Variants in CTNNA2 observed in about 807,000 individuals in gnomAD.
CTNNA2 encodes the protein catenin alpha-2.
CTNNA2 carries 42 observed loss-of-function variants against 101.0 expected under a neutral mutation model. The observed-to-expected ratio is 0.42, with a 90% CI of 0.32 to 0.54. CTNNA2 has a LOEUF of 0.54. Ranked by LOEUF, CTNNA2 falls within the 20% of genes least tolerant of loss-of-function variation. The pLI is 0.14. For missense variants in CTNNA2, 871 were observed against 1,223.1 expected (o/e 0.71, Z 4.29); for synonymous variants, 450 against 456.4 (o/e 0.99, Z 0.18).
At chr2:80,594,343 T>G (rs1046536618) in intron 15 of CTNNA2, among the ~76,000 whole-genome samples, 4 of 152,112 alleles carry the variant, frequency 2.6e-5, no homozygotes, top group African/African-American at 9.7e-5. Flanking sequence ...GGTTGTTTGT[T>G]TGCTTTTTTG....
chr2:79,264,229 G>T (rs1674961402), intron 2 of CTNNA2, among the ~76,000 whole-genome samples: 1 of 152,170 alleles, frequency 6.6e-6, no homozygotes, highest in African/African-American at 2.4e-5. Flanking sequence ...GTGAGAGCCA[G>T]TTGTATCTAA....
chr2:80,085,112 C>G (rs1699362487), intron 7 of CTNNA2, among the ~76,000 whole-genome samples: 1 of 151,998 alleles, frequency 6.6e-6, no homozygotes, highest in Admixed American at 6.6e-5. Context: ...TGAGAATAGG[C>G]CAAGTTAAGG....
At chr2:80,146,729 T>TG (rs1703367722) in intron 7 of CTNNA2, among the ~76,000 whole-genome samples, 2 of 118,330 alleles carry the variant, frequency 1.7e-5, no homozygotes, top group African/African-American at 6.5e-5. Flanking sequence ...TTTTTTTTTT[T>TG]TTTTTTTTTT....
intron 3 of CTNNA2, among the ~76,000 whole-genome samples, chr2:79,810,081 C>A (rs1676888241): frequency 6.6e-6 from 1 of 152,128 alleles, no homozygotes; most frequent in Non-Finnish European, 1.5e-5. Context: ...CAATATTAAC[C>A]TTAAATGTAA....
intron 8 of CTNNA2, among the ~76,000 whole-genome samples, chr2:80,395,958 G>A (rs986486731): frequency 3.9e-5 from 6 of 152,108 alleles, no homozygotes; most frequent in Non-Finnish European, 5.9e-5. Flanking sequence ...TCCTCATAGC[G>A]CTAAGTTTGG....
chr2:79,522,116 T>C lies in CTNNA2; in HGVS notation c.-6+8909T>C, dbSNP rs552829084. ...CAAAACAGTAATTATTTTCTACTTT[T>C]TTTCCTAAGGTGTTCTCAACCACTC... On this transcript the variant is annotated intron_variant, in intron 1 of 18. Transcript: ENST00000402739. Among the ~76,000 whole-genome samples, 20 of 152,314 alleles carry C rather than the reference T, an allele frequency of 1.3e-4. No homozygotes were observed. In the South Asian group the frequency reaches 3.9e-3, roughly 30 times the overall value.
At chr2:79,534,438 G>T (rs762224586) in intron 1 of CTNNA2, among the ~76,000 whole-genome samples, 1 of 151,966 alleles carries the variant, frequency 6.6e-6, no homozygotes, top group Non-Finnish European at 1.5e-5. Flanking sequence ...ATAGCTTCCT[G>T]CAGTACTTAA....
intron 9 of CTNNA2, among the ~76,000 whole-genome samples, chr2:80,534,630 G>A (rs1351081398): frequency 1.3e-5 from 2 of 152,178 alleles, no homozygotes; most frequent in Non-Finnish European, 2.9e-5. Context: ...TGCACTTGTG[G>A]TTTATAGAAC....
At chr2:79,952,456 T>C (rs2104499142) in intron 7 of CTNNA2, among the ~76,000 whole-genome samples, 1 of 152,320 alleles carries the variant, frequency 6.6e-6, no homozygotes, top group East Asian at 1.9e-4. Flanking sequence ...TAGAAGTCTG[T>C]GACTATTTAA....
chr2:79,826,178 G>GAAA (rs569941269), intron 3 of CTNNA2, among the ~76,000 whole-genome samples: 1 of 151,470 alleles, frequency 6.6e-6, no homozygotes, highest in African/African-American at 2.4e-5. Flanking sequence ...AAAATAAAAA[G>GAAA]AAAAAAAACA....
intron 2 of CTNNA2, among the ~76,000 whole-genome samples, chr2:79,220,096 T>C (rs947265681): frequency 6.6e-6 from 1 of 152,174 alleles, no homozygotes. Context: ...CTTTGACTGA[T>C]TCAACTCTTA....
chr2:79,696,676 G>T (rs1684672812), intron 2 of CTNNA2, among the ~76,000 whole-genome samples: 1 of 152,014 alleles, frequency 6.6e-6, no homozygotes, highest in South Asian at 2.1e-4. Context: ...GAGGGAGGAT[G>T]CTTCTTTGGT....
intron 3 of CTNNA2, among the ~76,000 whole-genome samples, chr2:79,362,960 A>C (rs1677664338): frequency 6.6e-6 from 1 of 152,188 alleles, no homozygotes; most frequent in Non-Finnish European, 1.5e-5. Flanking sequence ...GTGATGAAAA[A>C]ACAGAGTAGA....
At position 80,639,367 on chromosome 2, in the gene CTNNA2, G is replaced by A. The variant is rs555944368; in HGVS notation, c.2575-8218G>A. ...TGGGATTACAGGCACCTGCCACCAC[G>A]CCAGGCTAATTTTTGTATTTTTGGT... On this transcript the variant is annotated intron_variant, in intron 18 of 18. Transcript: ENST00000402739. Among the ~76,000 whole-genome samples the A allele has an allele frequency of 1.2e-4, 19 of 152,050 alleles. 1 individual carries two copies. Among genetic ancestry groups the A allele is most frequent in the South Asian group, 1.0e-3 (5 of 4,814 alleles).
intron 3 of CTNNA2, among the ~76,000 whole-genome samples, chr2:79,755,362 T>C (rs1573884604): frequency 6.6e-6 from 1 of 152,264 alleles, no homozygotes; most frequent in East Asian, 1.9e-4. Context: ...AGTGCATGTG[T>C]GCTAGATCCA....
chr2:80,311,390 G>A (rs1573679426), intron 7 of CTNNA2, among the ~76,000 whole-genome samples: 2 of 152,136 alleles, frequency 1.3e-5, no homozygotes, highest in Admixed American at 6.6e-5. Context: ...ATGTTTTGGG[G>A]CCCCTCTCCT....
upstream of CTNNA2, among the ~76,000 whole-genome samples, chr2:79,511,600 C>A (rs895806141): frequency 3.2e-4 from 48 of 151,944 alleles, no homozygotes; most frequent in African/African-American, 1.1e-3. Flanking sequence ...CACTTTTTCC[C>A]AGGAATTTTT....
intron 1 of CTNNA2, among the ~76,000 whole-genome samples, chr2:79,517,618 A>C (rs750591380): frequency 1.3e-5 from 2 of 152,296 alleles, no homozygotes; most frequent in Middle Eastern, 3.4e-3. Flanking sequence ...TATTGCTGCT[A>C]GTCAGCTTTA....
intron 3 of CTNNA2, among the ~76,000 whole-genome samples, chr2:79,816,554 A>G (rs1453173423): frequency 1.3e-5 from 2 of 152,196 alleles, no homozygotes; most frequent in Non-Finnish European, 2.9e-5. Flanking sequence ...GCAGGAGCAT[A>G]TATCTCCTTA....
Sources: allele counts gnomAD v4.1 joint callset (sites outside exome capture counted in the v4.1 genomes callset), GRCh38; gene constraint gnomAD v4.1.1; transcripts MANE v1.5; gene names NCBI Gene and HGNC (gene_info 2026-07-23, HGNC 2026-07-21).